Variants in CYTH2 observed in about 807,000 individuals in gnomAD.
CYTH2 encodes the protein cytohesin-2.
Under a neutral mutation model 55.4 loss-of-function variants are expected in CYTH2, and 24 were observed. The ratio of observed to expected loss-of-function variants is 0.43; its 90% CI spans 0.31 to 0.61. The LOEUF is 0.61. Ranked by LOEUF, CYTH2 falls within the 20% of genes least tolerant of loss-of-function variation. The pLI is 0.08. For synonymous variants in CYTH2, 221 were observed against 209.6 expected (o/e 1.05, Z -0.47); for missense variants, 378 against 533.5 (o/e 0.71, Z 2.87).
rs1305400568 is a variant in CYTH2 at position 48,481,640 on chromosome 19, G to GTAGC, written c.*2432_*2435dup. ...CGATTCCCCTGCCTCAGCTTCCCGA[G>GTAGC]TAGCTGGGATTACAGATGTGAGCCA... On this transcript the variant is annotated 3_prime_UTR_variant, in exon 12 of 12. Coordinates refer to ENST00000452733, the MANE Select transcript of CYTH2 (RefSeq NM_004228.7). 6.4e-6 allele frequency: 1 copy of GTAGC among 155,980 alleles called. No individual in the cohort carries two copies. The highest frequency in any genetic ancestry group is 6.5e-5 in the Admixed American group (1 of 15,394). 9.7% of individuals were successfully genotyped at this position (155,980 alleles called of 1,614,324 possible).
chr19:48,476,117 A>T (rs912771010), intron 8 of CYTH2: 5 of 460,324 alleles, frequency 1.1e-5, no homozygotes, highest in Middle Eastern at 6.9e-4. Context: ...ACCTCAACAG[A>T]TGCCAGGGTT....
intron 3 of CYTH2, among the ~76,000 whole-genome samples, chr19:48,472,072 A>AG (rs2147504522): frequency 6.6e-6 from 1 of 152,288 alleles, no homozygotes; most frequent in African/African-American, 2.4e-5. Context: ...GAGAAAATGT[A>AG]CTGAGCACCT....
chr19:48,473,745 A>G (rs1971850767), intron 5 of CYTH2, 160 bp from the exon 6 acceptor site: 1 of 632,718 alleles, frequency 1.6e-6, no homozygotes. Flanking sequence ...TCCCGTGGCC[A>G]ATGCCCATTG....
chr19:48,473,197 G>A (rs1156635653), intron 4 of CYTH2, 101 bp from the exon 5 acceptor site: 5 of 1,286,940 alleles, frequency 3.9e-6, no homozygotes, highest in Admixed American at 3.5e-5. Context: ...GTGGGCAGCT[G>A]TGGTGCAGTA....
chr19:48,478,491 C>G lies in CYTH2; in HGVS notation c.1011C>G (p.Cys337Trp). Residue 337 changes from cysteine (C) to tryptophan (W), a missense_variant, in exon 11 of 12, where the codon TGC becomes TGG. By Grantham distance (215) the Cys-to-Trp change is radical (BLOSUM62 -2). Coordinates refer to ENST00000452733, the MANE Select transcript of CYTH2 (RefSeq NM_004228.7). Reference sequence around the variant, plus strand: ...ACAAGGGGCAGCTCATCAAAGCCTGCAAAACTGAGGCGGACGGCCGAGTGG... The same window carrying G: ...ACAAGGGGCAGCTCATCAAAGCCTGGAAAACTGAGGCGGACGGCCGAGTGG... ...PNNKGQLIKA[C>W]KTEADGRVVE... 1 of 1,614,124 alleles carries G rather than the reference C, an allele frequency of 6.2e-7. No individual in the cohort carries two copies. The highest frequency in any genetic ancestry group is 8.5e-7 in the Non-Finnish European group (1 of 1,180,018).
rs1971736600 is a variant in CYTH2 at position 48,469,465 on chromosome 19, T to C, written c.-43T>C. 21 of 1,311,574 alleles carry C rather than the reference T, an allele frequency of 1.6e-5. No homozygotes were observed. The highest frequency in any genetic ancestry group is 2.1e-5 in the Non-Finnish European group (21 of 1,024,124). 81.2% of individuals were successfully genotyped at this position (1,311,574 alleles called of 1,614,324 possible). A position where few individuals can be genotyped will look rare whatever the true frequency, so the allele number is the denominator to read the frequency against. On this transcript the variant is annotated 5_prime_UTR_variant, in exon 1 of 12. Transcript: ENST00000452733. ...GGGCCAACGCGGATCCAGGCCCGAC[T>C]GGCGGGACCGCCCCGGATTCCCCGC...
At chr19:48,476,149 C>T (rs1971908200) in intron 8 of CYTH2, 1 of 386,390 alleles carries the variant, frequency 2.6e-6, no homozygotes, top group African/African-American at 2.1e-5. Context: ...GTAAAATACA[C>T]AAGTCAGGCA....
At chr19:48,471,707 G>C (rs1971799738) in intron 3 of CYTH2, among the ~76,000 whole-genome samples, 1 of 152,230 alleles carries the variant, frequency 6.6e-6, no homozygotes, top group African/African-American at 2.4e-5. Flanking sequence ...CTAACAGGTT[G>C]TCACGTTATT....
intron 1 of CYTH2, 184 bp from the exon 2 acceptor site, chr19:48,470,169 C>CA (rs1284416302): frequency 1.0e-6 from 1 of 969,306 alleles, no homozygotes; most frequent in African/African-American, 1.6e-5. Flanking sequence ...CCCCAGGACT[C>CA]AAGAGTTTAG....
intron 3 of CYTH2, among the ~76,000 whole-genome samples, chr19:48,471,181 A>T (rs202241352): frequency 0.1 from 15,709 of 149,992 alleles, 2,236 homozygotes; most frequent in African/African-American, 0.33. Flanking sequence ...TGTGTGTGTG[A>T]GACAGAGTCT....
At chr19:48,477,549 T>G (rs1601027287) in intron 8 of CYTH2, 1 of 156,198 alleles carries the variant, frequency 6.4e-6, no homozygotes, top group Non-Finnish European at 1.4e-5. Context: ...CCTCCCCTCC[T>G]CTCTGCGTCT....
In CYTH2 at chr19:48,482,052, T is replaced by C. The variant is rs1350043697; in HGVS notation, c.*2842T>C. 1 of 152,304 alleles carries C rather than the reference T, an allele frequency of 6.6e-6. No individual in the cohort carries two copies. Among genetic ancestry groups the C allele is most frequent in the Non-Finnish European group, 1.5e-5 (1 of 68,122 alleles). 9.4% of individuals were successfully genotyped at this position (152,304 alleles called of 1,614,324 possible). A position where few individuals can be genotyped will look rare whatever the true frequency, so the allele number is the denominator to read the frequency against. ...CTCCCTTGCTTCCTTCAGCACCATG[T>C]GATCTCTGTGCACACAGCTGCATCC... is the stretch of plus-strand genomic sequence containing the variant. On this transcript the variant is annotated 3_prime_UTR_variant, in exon 12 of 12. Coordinates refer to ENST00000452733, the MANE Select transcript of CYTH2 (RefSeq NM_004228.7).
intron 1 of CYTH2, 188 bp from the exon 2 acceptor site, chr19:48,470,165 G>A (rs1404641253): frequency 5.4e-6 from 5 of 918,622 alleles, no homozygotes; most frequent in Admixed American, 4.2e-5. Context: ...TGTCCCCCAG[G>A]ACTCAAGAGT....
At chr19:48,472,628 C>A in intron 4 of CYTH2, 185 bp downstream of exon 4, 2 of 649,276 alleles carry the variant, frequency 3.1e-6, no homozygotes, top group Admixed American at 2.3e-5. Context: ...GAGCCTGCGG[C>A]CAACCGAGAG....
Position 48,474,382 on chromosome 19 carries a change from A to AC in CYTH2, c.696+57dup. Reference sequence around the variant, plus strand: ...CCCTGCCCCTCTTCCTGCCACAGACACCCCCGCCCCACCTGTGGTCTCCTA... The same window carrying AC: ...CCCTGCCCCTCTTCCTGCCACAGACACCCCCCGCCCCACCTGTGGTCTCCTA... On this transcript the variant is annotated intron_variant, in intron 7 of 11. Coordinates refer to ENST00000452733, the MANE Select transcript of CYTH2 (RefSeq NM_004228.7). This position sits in a 1 kb window ranked among gnomAD's most constrained non-coding sequence, Gnocchi z 4.9. The AC allele has an allele frequency of 6.8e-7, 1 of 1,480,822 alleles. No homozygotes were observed. Among genetic ancestry groups the AC allele is most frequent in the Non-Finnish European group, 9.0e-7 (1 of 1,114,148 alleles). The allele number at this position is 1,480,822 out of a possible 1,614,324, so 91.7% of individuals were successfully genotyped here.
rs771600275 is a variant in CYTH2, at chr19:48,473,331, T to C, written c.387T>C (p.Phe129=). 1.9e-6 allele frequency: 3 copies of C among 1,614,030 alleles called. No homozygotes were observed. The highest frequency in any genetic ancestry group is 1.7e-6 in the Non-Finnish European group (2 of 1,180,010). The change falls in exon 5 of 12, where the codon TTT becomes TTC. Residue 129 remains phenylalanine, a synonymous_variant. Transcript: ENST00000452733. The part of the protein sequence containing the change: ...EELNLAVLHA[F]VDLHEFTDLN... Reference sequence around the variant, plus strand: ...TGAACCTGGCAGTGCTCCATGCTTTTGTGGATCTGCATGAGTTCACCGACC... The same window carrying C: ...TGAACCTGGCAGTGCTCCATGCTTTCGTGGATCTGCATGAGTTCACCGACC...
rs1379342506 is a variant in CYTH2, at chr19:48,470,619, A to C, written c.184A>C (p.Asn62His). The C allele has an allele frequency of 7.4e-6, 12 of 1,614,126 alleles. No individual in the cohort carries two copies. In the Admixed American group the frequency reaches 8.3e-5, roughly 11 times the overall value. The change falls in exon 3 of 12, where the codon AAC becomes CAC. Residue 62 changes from asparagine (N) to histidine (H), a missense_variant. Transcript: ENST00000452733. ...CTCCTGCAGTAAGACCTTGCAACGG[A>C]ACCGGAAGATGGCAATGGGCAGGAA... ...ANEGSKTLQR[N>H]RKMAMGRKKF...
rs993204271 is a variant in CYTH2 at position 48,474,460 on chromosome 19, T to A, written c.696+130T>A. ...AAGATGGTGCGATCATGCCAACTCG[T>A]GTGTGATCTTTTTCTCTCTCTCTGG... On this transcript the variant is annotated intron_variant, in intron 7 of 11. Coordinates refer to ENST00000452733, the MANE Select transcript of CYTH2 (RefSeq NM_004228.7). This position sits in a 1 kb window ranked among gnomAD's most constrained non-coding sequence, Gnocchi z 4.9. 5 of 987,830 alleles carry A rather than the reference T, an allele frequency of 5.1e-6. No homozygotes were observed. The African/African-American group carries it at 8.3e-5, about 16-fold the overall frequency. The allele number at this position is 987,830 out of a possible 1,614,324, so 61.2% of individuals were successfully genotyped here.
chr19:48,473,628 C>G (rs1374612448), intron 5 of CYTH2: 1 of 600,082 alleles, frequency 1.7e-6, no homozygotes, highest in Admixed American at 2.9e-5. Flanking sequence ...ACTGTGTCAG[C>G]ATTGCTCTCT....
Sources: allele counts gnomAD v4.1 joint callset (sites outside exome capture counted in the v4.1 genomes callset), GRCh38; gene constraint gnomAD v4.1.1; non-coding constraint Gnocchi (gnomAD v3.1); transcripts MANE v1.5; gene names NCBI Gene and HGNC (gene_info 2026-07-23, HGNC 2026-07-21).